Variants in ZNF721 observed in about 807,000 individuals in gnomAD.
ZNF721 encodes zinc finger protein 721.
ZNF721 carries 2 observed loss-of-function variants against 2.4 expected under a neutral mutation model. The observed-to-expected ratio is 0.82, with a 90% CI of 0.34 to 2.58. The LOEUF (loss-of-function observed/expected upper bound fraction) is 2.58, where lower values mean the gene tolerates loss of function less well. Ranked by LOEUF, ZNF721 falls within the 30% of genes most tolerant of loss-of-function variation. The pLI is 0.11. For synonymous variants in ZNF721, 398 were observed against 381.8 expected, an observed-to-expected ratio of 1.04 and a Z score of -0.50; for missense variants, 1,187 against 1,085.5, an observed-to-expected ratio of 1.09 and a Z score of -1.31.
intron 1 of ZNF721, among the ~76,000 whole-genome samples, chr4:476,938 G>T (rs1342206744): frequency 6.6e-6 from 1 of 152,174 alleles, no homozygotes; most frequent in Non-Finnish European, 1.5e-5. Flanking sequence ...ACACGCCACT[G>T]AGAGCTAGTT....
At position 443,116 on chromosome 4, in the gene ZNF721, C is replaced by A. The variant is rs1560223868; in HGVS notation, c.1351G>T (p.Gly451Trp). The A allele has an allele frequency of 1.2e-6, 2 of 1,613,876 alleles. No homozygotes were observed. Among genetic ancestry groups the A allele is most frequent in the Non-Finnish European group, 1.7e-6 (2 of 1,179,858 alleles). Residue 451 changes from glycine (G) to tryptophan (W), a missense_variant, in exon 3 of 3, where the codon GGG becomes TGG. Gly to Trp is a radical substitution (Grantham distance 184, BLOSUM62 -2). Coordinates refer to ENST00000511833, the MANE Select transcript of ZNF721 (RefSeq NM_133474.4). ...TGCAAGGAATGTATAAAGGCTTTCCCACATTCTTTACATTTGTAGGGTTTA... is the reference window on the plus strand; with the variant it reads ...TGCAAGGAATGTATAAAGGCTTTCCAACATTCTTTACATTTGTAGGGTTTA... ...GDKPYKCKEC[G>W]KAFIHSLHLN... is the part of the protein sequence containing the mutation.
At chr4:465,422 G>C (rs1359294495) in intron 2 of ZNF721, among the ~76,000 whole-genome samples, 2 of 145,290 alleles carry the variant, frequency 1.4e-5, no homozygotes, top group East Asian at 3.9e-4. Context: ...CTTAAGCTAG[G>C]CTTTTGTTTT....
intron 2 of ZNF721, among the ~76,000 whole-genome samples, chr4:467,222 A>AC (rs202057832): frequency 0.21 from 27,179 of 132,268 alleles, 2,983 homozygotes; most frequent in Non-Finnish European, 0.23. Context: ...ATCTCAAAAA[A>AC]AAAACAAACA....
At chr4:447,595 C>T (rs1363130173) in intron 2 of ZNF721, among the ~76,000 whole-genome samples, 1 of 152,100 alleles carries the variant, frequency 6.6e-6, no homozygotes, top group African/African-American at 2.4e-5. Flanking sequence ...GAAATACATG[C>T]ACCAAATGAA....
In ZNF721 at chr4:441,717, C is replaced by T; in HGVS notation, c.2750G>A (p.Gly917Glu). Residue 917 changes from glycine to glutamate, a missense_variant, in exon 3 of 3, where the codon GGA becomes GAA. Gly to Glu is a moderately conservative substitution (Grantham distance 98, BLOSUM62 -2). Coordinates refer to ENST00000511833, the MANE Select transcript of ZNF721 (RefSeq NM_133474.4). ...NLYAHKKIHT[G>E]DKTIQV ...TCTTTACACTTGTATGGTTTTATCT[C>T]CAGTATGAATTTTCTTATGTGCATA... 6.2e-7 allele frequency: 1 copy of T among 1,610,544 alleles called. No individual in the cohort carries two copies. The highest frequency in any genetic ancestry group is 8.5e-7 in the Non-Finnish European group (1 of 1,177,866).
At position 470,517 on chromosome 4, in the gene ZNF721, C is replaced by T. The variant is rs189158482; in HGVS notation, c.34+2058G>A. The stretch of plus-strand genomic sequence containing the variant: ...TCACTTGAGGTCAGAAGATCGAGAC[C>T]GGCCTGACCAACATAGAGAAACCCC... On this transcript the variant is annotated intron_variant, in intron 2 of 2. Transcript: ENST00000511833. 9.9e-5 allele frequency among the ~76,000 whole-genome samples: 15 copies of T among 152,142 alleles called. No homozygotes were observed. In the East Asian group the frequency reaches 1.5e-3, roughly 16 times the overall value.
chr4:489,822 A>C (rs1715978714), intron 1 of ZNF721, among the ~76,000 whole-genome samples: 1 of 152,192 alleles, frequency 6.6e-6, no homozygotes, highest in Non-Finnish European at 1.5e-5. Context: ...TTATATATTG[A>C]TCACGTATTA....
rs978101581 is a variant in ZNF721 at position 441,929 on chromosome 4, A to C, written c.2538T>G (p.Phe846Leu). Reference sequence around the variant, plus strand: ...GTACATAAAGGATTGCTGACTGTCTAAAGGCTTTGCCACATTCTTCACATG... The same window carrying C: ...GTACATAAAGGATTGCTGACTGTCTCAAGGCTTTGCCACATTCTTCACATG... The part of the protein sequence containing the change: ...PYTCEECGKA[F>L]RQSAILYVHR... Residue 846 changes from phenylalanine (F) to leucine (L), a missense_variant, in exon 3 of 3, where the codon TTT becomes TTG. Phe to Leu is a conservative substitution (Grantham distance 22). Coordinates refer to ENST00000511833, the MANE Select transcript of ZNF721 (RefSeq NM_133474.4). 1 of 1,613,956 alleles carries C rather than the reference A, an allele frequency of 6.2e-7. No homozygotes were observed. Among genetic ancestry groups the C allele is most frequent in the Non-Finnish European group, 8.5e-7 (1 of 1,179,932 alleles).
intron 1 of ZNF721, among the ~76,000 whole-genome samples, chr4:495,741 T>G (rs984554401): frequency 6.6e-6 from 1 of 152,046 alleles, no homozygotes; most frequent in African/African-American, 2.4e-5. Flanking sequence ...TAACTGGGAT[T>G]ACAGGTGCCC....
chr4:474,081 A>C, intron 1 of ZNF721: 1 of 1,386,578 alleles, frequency 7.2e-7, no homozygotes, highest in Non-Finnish European at 9.7e-7. Context: ...AAAATCACCG[A>C]GGCCTCCCTG....
In ZNF721 at chr4:484,753, G is replaced by A. The variant is rs145759426; in HGVS notation, c.-93-12052C>T. Among the ~76,000 whole-genome samples the A allele has an allele frequency of 5.9e-3, 892 of 152,298 alleles. 9 individuals carry two copies. The highest frequency in any genetic ancestry group is 0.02 in the African/African-American group (837 of 41,560). On this transcript the variant is annotated intron_variant, in intron 1 of 2. Transcript: ENST00000511833. Reference sequence around the variant, plus strand: ...GATGTTATCAATGACAGTGGTGCCCGAAACTTCTTTAGCAATTTTAATTTC... The same window carrying A: ...GATGTTATCAATGACAGTGGTGCCCAAAACTTCTTTAGCAATTTTAATTTC...
chr4:498,657 G>A lies in ZNF721; in HGVS notation c.-94+399C>T, dbSNP rs544651865. ...ACAAATACCTCATGATCTCACTCAT[G>A]TGGCATCTTTAAAACGAAGTTAATC... On this transcript the variant is annotated intron_variant, in intron 1 of 2. Coordinates refer to ENST00000511833, the MANE Select transcript of ZNF721 (RefSeq NM_133474.4). Among the ~76,000 whole-genome samples the A allele has an allele frequency of 5.3e-5, 8 of 152,110 alleles. No individual in the cohort carries two copies. In the East Asian group the frequency reaches 1.5e-3, roughly 29 times the overall value.
At chr4:492,198 A>C (rs980332494) in intron 1 of ZNF721, among the ~76,000 whole-genome samples, 18 of 151,926 alleles carry the variant, frequency 1.2e-4, no homozygotes, top group South Asian at 6.2e-4. Flanking sequence ...CAAAAAAAAA[A>C]CCTTAAATTT....
chr4:449,642 A>G (rs1426260615), intron 2 of ZNF721, among the ~76,000 whole-genome samples: 5 of 152,198 alleles, frequency 3.3e-5, no homozygotes, highest in African/African-American at 7.2e-5. Flanking sequence ...GAGATAATCT[A>G]CAGAATGAAG....
intron 2 of ZNF721, among the ~76,000 whole-genome samples, chr4:465,741 G>A (rs548741903): frequency 1.1e-4 from 16 of 150,818 alleles, no homozygotes; most frequent in South Asian, 4.2e-4. Context: ...GCCAAGCTAC[G>A]CTTTTATAAT....
At chr4:468,054 C>T (rs559460322) in intron 2 of ZNF721, among the ~76,000 whole-genome samples, 1 of 152,046 alleles carries the variant, frequency 6.6e-6, no homozygotes, top group Non-Finnish European at 1.5e-5. Context: ...CCGAGGCGGG[C>T]GGATCACGAG....
intron 2 of ZNF721, among the ~76,000 whole-genome samples, chr4:467,079 G>A (rs1032365687): frequency 6.6e-5 from 10 of 152,168 alleles, no homozygotes; most frequent in South Asian, 4.1e-4. Context: ...AAAATTAGCC[G>A]GGCGTGGTGG....
At chr4:498,445 C>T (rs1553873156) in intron 1 of ZNF721, among the ~76,000 whole-genome samples, 1 of 152,062 alleles carries the variant, frequency 6.6e-6, no homozygotes, top group Non-Finnish European at 1.5e-5. Context: ...CTGAGCAGTT[C>T]CGAGCTTGTC....
chr4:456,715 C>G (rs1714859898), intron 2 of ZNF721, among the ~76,000 whole-genome samples: 1 of 152,140 alleles, frequency 6.6e-6, no homozygotes, highest in Admixed American at 6.5e-5. Context: ...CCTGTCTCTA[C>G]TAAAAATACA....
Sources: allele counts gnomAD v4.1 joint callset (sites outside exome capture counted in the v4.1 genomes callset), GRCh38; gene constraint gnomAD v4.1.1; transcripts MANE v1.5; gene names NCBI Gene and HGNC (gene_info 2026-07-23, HGNC 2026-07-21).